FAM47E: variants seen among roughly 807,000 people sequenced by gnomAD.
FAM47E encodes the protein family with sequence similarity 47 member E, also known as protein FAM47E.
A neutral mutation model predicts 41.6 loss-of-function variants in FAM47E; 32 were observed. That is an observed-to-expected ratio of 0.77 (90% CI 0.58 to 1.03). The LOEUF (loss-of-function observed/expected upper bound fraction) is 1.03. Among genes scored for constraint, FAM47E ranks in the 50% least tolerant of loss-of-function variants. The pLI, the probability that FAM47E is intolerant of heterozygous loss-of-function variation, is 0.00. For missense variants in FAM47E, 424 were observed against 485.4 expected (o/e 0.87, Z 1.19); for synonymous variants, 184 against 188.7 (o/e 0.98, Z 0.20).
At chr4:76,240,576 T>C (rs1733688599) in intron 2 of FAM47E, among the ~76,000 whole-genome samples, 1 of 151,850 alleles carries the variant, frequency 6.6e-6, no homozygotes, top group South Asian at 2.1e-4. Context: ...TCTGTTTTCT[T>C]CAATTTTTTT....
At chr4:76,232,041 A>C (rs1194115475) in intron 2 of FAM47E, among the ~76,000 whole-genome samples, 1 of 152,234 alleles carries the variant, frequency 6.6e-6, no homozygotes, top group Non-Finnish European at 1.5e-5. Flanking sequence ...TATTGCCATA[A>C]GTTATGAATA....
intron 2 of FAM47E, among the ~76,000 whole-genome samples, chr4:76,236,938 C>G (rs1733597856): frequency 6.6e-6 from 1 of 150,750 alleles, no homozygotes; most frequent in African/African-American, 2.4e-5. Context: ...CTGTGTCACC[C>G]AGGCTGGAGT....
chr4:76,259,852 C>T (rs992702004), intron 2 of FAM47E, among the ~76,000 whole-genome samples: 1 of 151,862 alleles, frequency 6.6e-6, no homozygotes, highest in African/African-American at 2.4e-5. Flanking sequence ...ACCTGATAAA[C>T]GACTTCAGTA....
intron 2 of FAM47E, among the ~76,000 whole-genome samples, chr4:76,231,785 T>TG (rs1168255532): frequency 6.6e-6 from 1 of 152,192 alleles, no homozygotes; most frequent in African/African-American, 2.4e-5. Flanking sequence ...AAGATAAACT[T>TG]GGAGTTCCTG....
intron 2 of FAM47E, among the ~76,000 whole-genome samples, chr4:76,261,642 A>C (rs1246983954): frequency 6.6e-6 from 1 of 152,266 alleles, no homozygotes; most frequent in Admixed American, 6.5e-5. Context: ...GGTCATAAAG[A>C]TGGAGATAAT....
rs1452874811 is a variant in FAM47E at position 76,276,070 on chromosome 4, C to CACACACACACA, written c.871-1999_871-1998insACACACACACA. Among the ~76,000 whole-genome samples, 733 of 143,096 alleles carry CACACACACACA rather than the reference C, an allele frequency of 5.1e-3. 8 individuals carry two copies. The highest frequency in any genetic ancestry group is 0.029 in the South Asian group (124 of 4,326). 93.9% of individuals were successfully genotyped at this position (143,096 alleles called of 152,430 possible). A position where few individuals can be genotyped will look rare whatever the true frequency, so the allele number is the denominator to read the frequency against. On this transcript the variant is annotated intron_variant, in intron 5 of 7. Transcript: ENST00000424749. ...CACACACACACACACACACACACACCCCTCCCCTACATACAAATAGTTCTC... is the reference window on the plus strand; with the variant it reads ...CACACACACACACACACACACACACCACACACACACACCTCCCCTACATACAAATAGTTCTC...
intron 2 of FAM47E, among the ~76,000 whole-genome samples, chr4:76,261,842 T>TA (rs1734431506): frequency 1.3e-5 from 2 of 151,938 alleles, no homozygotes; most frequent in Admixed American, 6.6e-5. Flanking sequence ...AAAGGTAAAA[T>TA]AAAAAGTTTT....
chr4:76,227,302 G>C (rs1379600127), intron 2 of FAM47E, among the ~76,000 whole-genome samples: 1 of 152,116 alleles, frequency 6.6e-6, no homozygotes, highest in Non-Finnish European at 1.5e-5. Flanking sequence ...AATGTCCAAA[G>C]ATCATTCAGG....
intron 3 of FAM47E, chr4:76,267,463 TGGTG>T (rs1290445893): frequency 6.6e-6 from 1 of 152,098 alleles, no homozygotes; most frequent in Non-Finnish European, 1.5e-5. Flanking sequence ...TAAAAAATGG[TGGTG>T]GGTCCCAAAG....
At chr4:76,227,278 T>C (rs1394391232) in intron 2 of FAM47E, among the ~76,000 whole-genome samples, 1 of 152,214 alleles carries the variant, frequency 6.6e-6, no homozygotes, top group African/African-American at 2.4e-5. Context: ...TCATTGTTGT[T>C]CCAAAGATCA....
At chr4:76,241,655 A>G (rs1255037829) in intron 2 of FAM47E, among the ~76,000 whole-genome samples, 3 of 152,170 alleles carry the variant, frequency 2.0e-5, no homozygotes, top group African/African-American at 7.2e-5. Context: ...ATAGACCCCA[A>G]AGTTTTAAAA....
At chr4:76,281,560 A>T (rs4370157) in intron 7 of FAM47E, 2 of 151,854 alleles carry the variant, frequency 1.3e-5, no homozygotes, top group African/African-American at 2.4e-5. Flanking sequence ...GATATGTAAA[A>T]ATGTACTTCT....
At chr4:76,279,997 T>C (rs1266774028) in intron 6 of FAM47E, 2 of 314,880 alleles carry the variant, frequency 6.4e-6, no homozygotes, top group Non-Finnish European at 1.2e-5. Flanking sequence ...CCAGACATCA[T>C]AGGTCAATAA....
Position 76,251,772 on chromosome 4 carries a change from G to T in FAM47E, c.26G>T (p.Arg9Leu). 1 of 1,489,028 alleles carries T rather than the reference G, an allele frequency of 6.7e-7. No individual in the cohort carries two copies. 92.2% of individuals were successfully genotyped at this position (1,489,028 alleles called of 1,614,324 possible). The change falls in exon 1 of 8, where the codon CGG becomes CTG. Residue 9 changes from arginine (R) to leucine (L), a missense_variant. Physicochemically the swap from Arg to Leu is moderately radical, Grantham distance 102. Coordinates refer to ENST00000424749, the MANE Select transcript of FAM47E (RefSeq NM_001136570.3). ...ATGGCGGACCGCAGGCGGCGGCTCC[G>T]GCCGGGGACGTTGGCCCCGGTGCGC... MADRRRRL[R>L]PGTLAPVREG...
At chr4:76,247,281 TTC>T (rs1733848321), upstream of FAM47E, among the ~76,000 whole-genome samples, 1 of 152,164 alleles carries the variant, frequency 6.6e-6, no homozygotes, top group Non-Finnish European at 1.5e-5. Flanking sequence ...CAAAATTTCA[TTC>T]TTTTTATGAA....
intron 2 of FAM47E, among the ~76,000 whole-genome samples, chr4:76,239,149 C>T (rs1400828223): frequency 2.0e-5 from 3 of 152,174 alleles, no homozygotes; most frequent in South Asian, 2.1e-4. Context: ...CCAATAGTCA[C>T]TTGGTCTGCT....
chr4:76,254,729 G>T (rs1414827263), intron 1 of FAM47E, among the ~76,000 whole-genome samples: 1 of 152,194 alleles, frequency 6.6e-6, no homozygotes, highest in Non-Finnish European at 1.5e-5. Context: ...GGTGGAAGAG[G>T]CTTCAGGGAA....
At chr4:76,216,540 C>G (rs1023885031) in intron 1 of FAM47E, among the ~76,000 whole-genome samples, 3 of 152,184 alleles carry the variant, frequency 2.0e-5, no homozygotes, top group African/African-American at 7.2e-5. Context: ...CTTCTTCTCT[C>G]TTGTCTGGGC....
intron 3 of FAM47E, among the ~76,000 whole-genome samples, chr4:76,267,291 C>T (rs1734680635): frequency 6.6e-6 from 1 of 152,160 alleles, no homozygotes; most frequent in South Asian, 2.1e-4. Context: ...GTGGGGATGC[C>T]TCCCCGAGGA....
Sources: gnomAD v4.1 joint callset for allele counts (sites outside exome capture counted in the v4.1 genomes callset) on GRCh38, gnomAD v4.1.1 for gene constraint, MANE v1.5 for transcripts, NCBI Gene and HGNC (gene_info 2026-07-23, HGNC 2026-07-21) for gene names.